The following SMPD3 variants were observed in gnomAD, a reference collection of about 807,000 sequenced individuals.
The protein encoded by SMPD3 is sphingomyelin phosphodiesterase 3.
SMPD3 carries 21 observed loss-of-function variants against 55.7 expected under a neutral mutation model. The ratio of observed to expected loss-of-function variants is 0.38; its 90% CI spans 0.27 to 0.54. The LOEUF is 0.54. Ranked by LOEUF, SMPD3 falls within the 20% of genes least tolerant of loss-of-function variation. The pLI is 0.80. For missense variants in SMPD3, 842 were observed against 899.6 expected (o/e 0.94, Z 0.82); for synonymous variants, 457 against 404.3 (o/e 1.13, Z -1.56).
intron 2 of SMPD3, among the ~76,000 whole-genome samples, chr16:68,375,895 C>G (rs2089800012): frequency 6.6e-6 from 1 of 152,228 alleles, no homozygotes; most frequent in South Asian, 2.1e-4. Flanking sequence ...TCCCGCTGCC[C>G]TTCCAGGCCC....
intron 1 of SMPD3, among the ~76,000 whole-genome samples, chr16:68,428,177 T>A (rs2090451759): frequency 6.6e-6 from 1 of 152,088 alleles, no homozygotes; most frequent in African/African-American, 2.4e-5. Context: ...TGACTTCACT[T>A]AGAGAGGCTA....
intron 3 of SMPD3, 37 bp downstream of exon 3, chr16:68,370,822 T>A (rs1332625139): frequency 4.4e-6 from 7 of 1,608,796 alleles, no homozygotes; most frequent in Non-Finnish European, 5.1e-6. Context: ...TAGGACCAGC[T>A]GGCACGTGGT....
chr16:68,382,436 T>C (rs890395865), intron 2 of SMPD3, among the ~76,000 whole-genome samples: 1 of 152,236 alleles, frequency 6.6e-6, no homozygotes, highest in African/African-American at 2.4e-5. Flanking sequence ...GCGAGTCAGA[T>C]GCAGCATAGT....
intron 2 of SMPD3, among the ~76,000 whole-genome samples, chr16:68,373,797 G>T (rs534789153): frequency 6.6e-6 from 1 of 152,246 alleles, no homozygotes; most frequent in East Asian, 1.9e-4. Flanking sequence ...AGCCCTTAGT[G>T]GGGAGCTCAG....
chr16:68,443,370 A>G (rs1424159005), intron 1 of SMPD3, among the ~76,000 whole-genome samples: 1 of 152,180 alleles, frequency 6.6e-6, no homozygotes, highest in Non-Finnish European at 1.5e-5. Flanking sequence ...TGAGAGTGCA[A>G]ATAGGTGGAA....
intron 1 of SMPD3, among the ~76,000 whole-genome samples, chr16:68,414,002 G>C (rs977548878): frequency 6.6e-6 from 1 of 152,118 alleles, no homozygotes; most frequent in African/African-American, 2.4e-5. Flanking sequence ...AGGTTGGCCC[G>C]CTGGCTATAC....
At chr16:68,406,246 A>C (rs1022465351) in intron 1 of SMPD3, among the ~76,000 whole-genome samples, 1 of 152,248 alleles carries the variant, frequency 6.6e-6, no homozygotes, top group Non-Finnish European at 1.5e-5. Flanking sequence ...TCACGAAGCT[A>C]CTTGAAATAA....
At chr16:68,391,633 AG>A (rs765289718) in intron 1 of SMPD3, among the ~76,000 whole-genome samples, 2 of 152,130 alleles carry the variant, frequency 1.3e-5, no homozygotes, top group Non-Finnish European at 2.9e-5. Flanking sequence ...GGTGGGCAGG[AG>A]GGGAGACAAG....
intron 2 of SMPD3, among the ~76,000 whole-genome samples, chr16:68,383,292 G>T (rs1488454160): frequency 5.9e-5 from 9 of 152,210 alleles, no homozygotes. Flanking sequence ...GGCTGGTTGG[G>T]GGTCTGGATG....
chr16:68,399,230 C>G (rs989283831), intron 1 of SMPD3, among the ~76,000 whole-genome samples: 1 of 152,158 alleles, frequency 6.6e-6, no homozygotes, highest in Non-Finnish European at 1.5e-5. Context: ...ACTGGCTAGG[C>G]TGTGCAGTGA....
chr16:68,400,464 T>C (rs1035878624), intron 1 of SMPD3, among the ~76,000 whole-genome samples: 17 of 152,194 alleles, frequency 1.1e-4, no homozygotes, highest in African/African-American at 4.1e-4. Flanking sequence ...CCTAATTCAA[T>C]ATGGTTGTTC....
chr16:68,403,564 A>G (rs138715120), intron 1 of SMPD3, among the ~76,000 whole-genome samples: 9 of 152,330 alleles, frequency 5.9e-5, no homozygotes, highest in African/African-American at 2.2e-4. Context: ...TGAGTTCTCA[A>G]TATCCAGGGA....
chr16:68,426,561 AG>A (rs1259097069), intron 1 of SMPD3, among the ~76,000 whole-genome samples: 3 of 152,192 alleles, frequency 2.0e-5, no homozygotes, highest in Non-Finnish European at 4.4e-5. Context: ...GAATATCTGA[AG>A]GAGAGACATG....
chr16:68,367,684 C>T (rs1828662649), intron 3 of SMPD3: 1 of 152,282 alleles, frequency 6.6e-6, no homozygotes, highest in South Asian at 2.1e-4. Flanking sequence ...CCCCGCTTCT[C>T]CCTCCTCATC....
intron 1 of SMPD3, among the ~76,000 whole-genome samples, chr16:68,422,378 G>A (rs141954284): frequency 5.4e-4 from 82 of 152,290 alleles, no homozygotes; most frequent in African/African-American, 1.7e-3. Context: ...TGGATGTTGG[G>A]CCTGGTTCTC....
chr16:68,365,181 G>C lies in SMPD3; in HGVS notation c.1324-89C>G. ...CTGGCAGTGCCCACCCACCCATGAGGTCAGACCCTCACAAGCCTGGCTCCT... is the reference window on the plus strand; with the variant it reads ...CTGGCAGTGCCCACCCACCCATGAGCTCAGACCCTCACAAGCCTGGCTCCT... On this transcript the variant is annotated intron_variant, in intron 3 of 8. Coordinates refer to ENST00000219334, the MANE Select transcript of SMPD3 (RefSeq NM_018667.4). 5 of 1,345,192 alleles carry C rather than the reference G, an allele frequency of 3.7e-6. No individual in the cohort carries two copies. The South Asian group carries it at 6.1e-5, about 16-fold the overall frequency. The allele number at this position is 1,345,192 out of a possible 1,614,324, so 83.3% of individuals were successfully genotyped here.
At chr16:68,399,370 GC>G (rs2090187671) in intron 1 of SMPD3, among the ~76,000 whole-genome samples, 1 of 152,186 alleles carries the variant, frequency 6.6e-6, no homozygotes, top group African/African-American at 2.4e-5. Context: ...ATGGTCTGGT[GC>G]CCCATAGCAT....
At chr16:68,423,532 C>G (rs1165034105) in intron 1 of SMPD3, among the ~76,000 whole-genome samples, 1 of 152,138 alleles carries the variant, frequency 6.6e-6, no homozygotes, top group Non-Finnish European at 1.5e-5. Context: ...TCATCAGATG[C>G]GACCCCCTTG....
At chr16:68,437,521 C>A (rs2090532453) in intron 1 of SMPD3, among the ~76,000 whole-genome samples, 1 of 152,214 alleles carries the variant, frequency 6.6e-6, no homozygotes, top group African/African-American at 2.4e-5. Context: ...TTGTTGTGGC[C>A]TTGCCCACCC....
Sources: gnomAD v4.1 joint callset for allele counts (sites outside exome capture counted in the v4.1 genomes callset) on GRCh38, gnomAD v4.1.1 for gene constraint, MANE v1.5 for transcripts, NCBI Gene and HGNC (gene_info 2026-07-23, HGNC 2026-07-21) for gene names.